Variants in OR2M3 observed in about 807,000 individuals in gnomAD.
OR2M3 encodes the protein olfactory receptor 2M3.
Under a neutral mutation model 4.3 loss-of-function variants are expected in OR2M3, and 1 was observed. That is an observed-to-expected ratio of 0.23 (90% CI 0.08 to 1.11). OR2M3 has a LOEUF of 1.11. Ranked by LOEUF, OR2M3 falls within the 50% of genes most tolerant of loss-of-function variation. The pLI is 0.54. For synonymous variants in OR2M3, 151 were observed against 139.4 expected, an observed-to-expected ratio of 1.08 and a Z score of -0.59; for missense variants, 410 against 390.4, an observed-to-expected ratio of 1.05 and a Z score of -0.42.
At position 248,207,945 on chromosome 1, in the gene OR2M3, C is replaced by G. The variant is rs1572794469; in HGVS notation, c.*3939C>G. The stretch of plus-strand genomic sequence containing the variant: ...CTATTATTGCATTGTCATCTATCTC[C>G]TTTCTTAGGTCTAGTAGTAATTGTT... On this transcript the variant is annotated 3_prime_UTR_variant, in exon 2 of 2. Transcript: ENST00000641626. 6.6e-6 allele frequency: 1 copy of G among 151,948 alleles called. No individual in the cohort carries two copies. The highest frequency in any genetic ancestry group is 1.5e-5 in the Non-Finnish European group (1 of 67,944). 9.4% of individuals were successfully genotyped at this position (151,948 alleles called of 1,614,324 possible).
Position 248,203,581 on chromosome 1 carries a change from C to G in OR2M3, c.514C>G (p.Arg172Gly). 1 of 1,613,774 alleles carries G rather than the reference C, an allele frequency of 6.2e-7. No individual in the cohort carries two copies. Among genetic ancestry groups the G allele is most frequent in the South Asian group, 1.1e-5 (1 of 91,060 alleles). The change falls in exon 2 of 2, where the codon CGG becomes GGG. Residue 172 changes from arginine to glycine, a missense_variant. Transcript: ENST00000641626. The part of the protein sequence containing the change: ...ATFSFSYCGS[R>G]EIAHFFCDFP... ...ATTTTCCTTCTCCTACTGTGGGTCT[C>G]GGGAAATAGCCCACTTCTTCTGTGA...
rs1666222627 is a variant in OR2M3 at position 248,206,225 on chromosome 1, T to A, written c.*2219T>A. 1 of 152,100 alleles carries A rather than the reference T, an allele frequency of 6.6e-6. No homozygotes were observed. The highest frequency in any genetic ancestry group is 2.4e-5 in the African/African-American group (1 of 41,430). 9.4% of individuals were successfully genotyped at this position (152,100 alleles called of 1,614,324 possible). A position where few individuals can be genotyped will look rare whatever the true frequency, so the allele number is the denominator to read the frequency against. ...ATGAGCCGTTAGGGTTTTCTATGTA[T>A]TCCATCGTATCATCAGCAAACAGCG... is the stretch of plus-strand genomic sequence containing the variant. On this transcript the variant is annotated 3_prime_UTR_variant, in exon 2 of 2. Coordinates refer to ENST00000641626, the MANE Select transcript of OR2M3 (RefSeq NM_001004689.2).
At position 248,203,056 on chromosome 1, in the gene OR2M3, A is replaced by C; in HGVS notation, c.-12A>C. On this transcript the variant is annotated 5_prime_UTR_variant, in exon 2 of 2. Coordinates refer to ENST00000641626, the MANE Select transcript of OR2M3 (RefSeq NM_001004689.2). ...GCTGGTTTTGTGGTACTAGGTAAAAAGCATACACATCATGGCAAGGGAGAA... is the reference window on the plus strand; with the variant it reads ...GCTGGTTTTGTGGTACTAGGTAAAACGCATACACATCATGGCAAGGGAGAA... 6.2e-7 allele frequency: 1 copy of C among 1,602,946 alleles called. No homozygotes were observed. The highest frequency in any genetic ancestry group is 8.5e-7 in the Non-Finnish European group (1 of 1,174,290).
Position 248,203,994 on chromosome 1 carries a change from G to A in OR2M3, c.927G>A (p.Lys309=), listed in dbSNP as rs894519543. 2.5e-6 allele frequency: 4 copies of A among 1,613,730 alleles called. No homozygotes were observed. In the African/African-American group the frequency reaches 5.3e-5, roughly 22 times the overall value. The stretch of plus-strand genomic sequence containing the variant: ...TCATGAAGATCTTAGGAAAGGGCAA[G>A]TCTGGAGAGTGAGTTACCTAATAAA... The part of the protein sequence containing the change: ...RAFMKILGKG[K]SGE Residue 309 remains lysine (K), a synonymous_variant, in exon 2 of 2, where the codon AAG becomes AAA. Coordinates refer to ENST00000641626, the MANE Select transcript of OR2M3 (RefSeq NM_001004689.2).
At position 248,204,557 on chromosome 1, in the gene OR2M3, A is replaced by G. The variant is rs1229425437; in HGVS notation, c.*551A>G. On this transcript the variant is annotated 3_prime_UTR_variant, in exon 2 of 2. Transcript: ENST00000641626. ...CTCTAATTCCATCCCAGTTGCTGTG[A>G]ATGCCATTATTTTGTATTTTTTATG... 1 of 152,686 alleles carries G rather than the reference A, an allele frequency of 6.5e-6. No homozygotes were observed. The highest frequency in any genetic ancestry group is 6.6e-5 in the Admixed American group (1 of 15,262). 9.5% of individuals were successfully genotyped at this position (152,686 alleles called of 1,614,324 possible).
intron 1 of OR2M3, among the ~76,000 whole-genome samples, chr1:248,200,530 C>T (rs1666144377): frequency 6.6e-6 from 1 of 152,072 alleles, no homozygotes; most frequent in Non-Finnish European, 1.5e-5. Context: ...CAGCTTTATC[C>T]AACTTCTTGG....
rs757897904 is a variant in OR2M3 at position 248,203,740 on chromosome 1, G to C, written c.673G>C (p.Val225Leu). Reference protein sequence around the residue: ...IASYARVILAVIHMGSGEGRR... With the variant: ...IASYARVILALIHMGSGEGRR... ...TTCCTATGCTCGAGTTATCCTGGCTGTCATTCACATGGGATCTGGAGAGGG... is the reference window on the plus strand; with the variant it reads ...TTCCTATGCTCGAGTTATCCTGGCTCTCATTCACATGGGATCTGGAGAGGG... The change falls in exon 2 of 2, where the codon GTC becomes CTC. Residue 225 changes from valine to leucine, a missense_variant. Physicochemically the swap from Val to Leu is conservative, Grantham distance 32. Coordinates refer to ENST00000641626, the MANE Select transcript of OR2M3 (RefSeq NM_001004689.2). The C allele has an allele frequency of 6.2e-7, 1 of 1,612,442 alleles. No homozygotes were observed. The highest frequency in any genetic ancestry group is 2.2e-5 in the East Asian group (1 of 44,862).
intron 1 of OR2M3, among the ~76,000 whole-genome samples, chr1:248,199,626 T>A (rs923849253): frequency 2.0e-5 from 3 of 152,144 alleles, no homozygotes; most frequent in African/African-American, 7.2e-5. Flanking sequence ...AAATATTTAA[T>A]TTCCTCATGA....
In OR2M3 at chr1:248,203,227, C is replaced by T. The variant is rs751928747; in HGVS notation, c.160C>T (p.Gln54Ter). Reference protein sequence around the residue: ...VMVLLIYLDTQLHTPMYLLLS... With the variant: ...VMVLLIYLDT ...GGTTCTCCTCATCTACCTGGACACC[C>T]AGCTCCACACCCCCATGTACCTCCT... The change falls in exon 2 of 2, where the codon CAG becomes TAG. Residue 54 changes from glutamine to a stop codon, truncating the protein, a stop_gained. Coordinates refer to ENST00000641626, the MANE Select transcript of OR2M3 (RefSeq NM_001004689.2). LOFTEE classifies it low-confidence loss of function (END_TRUNC). 1 of 1,613,914 alleles carries T rather than the reference C, an allele frequency of 6.2e-7. No homozygotes were observed. Among genetic ancestry groups the T allele is most frequent in the African/African-American group, 1.3e-5 (1 of 74,972 alleles).
In OR2M3 at chr1:248,207,702, A is replaced by G. The variant is rs1183494285; in HGVS notation, c.*3696A>G. ...ATATAATTTTGATTTTCTTAAATTC[A>G]CTGAGACTTGTTTTTTGGCCTATCA... On this transcript the variant is annotated 3_prime_UTR_variant, in exon 2 of 2. Coordinates refer to ENST00000641626, the MANE Select transcript of OR2M3 (RefSeq NM_001004689.2). 2 of 152,070 alleles carry G rather than the reference A, an allele frequency of 1.3e-5. No homozygotes were observed. Among genetic ancestry groups the G allele is most frequent in the African/African-American group, 4.8e-5 (2 of 41,432 alleles). The allele number at this position is 152,070 out of a possible 1,614,324, so 9.4% of individuals were successfully genotyped here.
intron 1 of OR2M3, among the ~76,000 whole-genome samples, chr1:248,202,472 G>GA (rs1241403017): frequency 6.6e-6 from 1 of 151,990 alleles, no homozygotes; most frequent in African/African-American, 2.4e-5. Context: ...CTGGGCTATG[G>GA]AAAAAATGGC....
In OR2M3 at chr1:248,206,517, G is replaced by A. The variant is rs910482600; in HGVS notation, c.*2511G>A. 1 of 151,914 alleles carries A rather than the reference G, an allele frequency of 6.6e-6. No homozygotes were observed. The highest frequency in any genetic ancestry group is 1.5e-5 in the Non-Finnish European group (1 of 67,922). The allele number at this position is 151,914 out of a possible 1,614,324, so 9.4% of individuals were successfully genotyped here. ...TTTGCTTAGAATTTTAATTGTAAAG[G>A]GATGTGGGATTTCATCAAATGCTTT... On this transcript the variant is annotated 3_prime_UTR_variant, in exon 2 of 2. Coordinates refer to ENST00000641626, the MANE Select transcript of OR2M3 (RefSeq NM_001004689.2).
chr1:248,201,028 C>T (rs1666151202), intron 1 of OR2M3, among the ~76,000 whole-genome samples: 1 of 152,122 alleles, frequency 6.6e-6, no homozygotes, highest in African/African-American at 2.4e-5. Context: ...AATAAGTCTA[C>T]TCACCAGGCT....
intron 1 of OR2M3, among the ~76,000 whole-genome samples, chr1:248,202,275 C>T (rs934707654): frequency 8.7e-5 from 9 of 103,960 alleles, no homozygotes; most frequent in East Asian, 2.4e-4. Context: ...CCCCATCACA[C>T]GGTAATCCCC....
Position 248,203,908 on chromosome 1 carries a change from C to T in OR2M3, c.841C>T (p.Leu281Phe), listed in dbSNP as rs1203019997. The T allele has an allele frequency of 6.2e-7, 1 of 1,613,770 alleles. No individual in the cohort carries two copies. The highest frequency in any genetic ancestry group is 1.3e-5 in the African/African-American group (1 of 74,846). Residue 281 changes from leucine (L) to phenylalanine (F), a missense_variant, in exon 2 of 2, where the codon CTC becomes TTC. Transcript: ENST00000641626. ...DKMVSVFYTI[L>F]TPMLNPLIYS... ...GATGGTGTCTGTATTCTACACCATC[C>T]TCACTCCCATGTTGAATCCCCTCAT... is the stretch of plus-strand genomic sequence containing the variant.
chr1:248,203,378 A>G lies in OR2M3; in HGVS notation c.311A>G (p.Tyr104Cys), dbSNP rs370438958. 3 of 1,614,020 alleles carry G rather than the reference A, an allele frequency of 1.9e-6. No homozygotes were observed. Among genetic ancestry groups the G allele is most frequent in the African/African-American group, 1.3e-5 (1 of 74,968 alleles). The change falls in exon 2 of 2, where the codon TAT becomes TGT. Residue 104 changes from tyrosine (Y) to cysteine (C), a missense_variant. By Grantham distance (194) the Tyr-to-Cys change is radical. Coordinates refer to ENST00000641626, the MANE Select transcript of OR2M3 (RefSeq NM_001004689.2). Reference protein sequence around the residue: ...MAGCATQIFFYTSLLGSECFL... With the variant: ...MAGCATQIFFCTSLLGSECFL... The stretch of plus-strand genomic sequence containing the variant: ...GGTTGTGCCACACAAATTTTCTTCT[A>G]TACATCACTGCTTGGCTCTGAGTGC...
At chr1:248,201,563 T>C (rs1666157079) in intron 1 of OR2M3, among the ~76,000 whole-genome samples, 1 of 151,966 alleles carries the variant, frequency 6.6e-6, no homozygotes, top group South Asian at 2.1e-4. Flanking sequence ...TCATTTAACA[T>C]TAGGTATATC....
chr1:248,204,320 T>C lies in OR2M3; in HGVS notation c.*314T>C. 9.2e-6 allele frequency: 2 copies of C among 217,460 alleles called. No homozygotes were observed. The highest frequency in any genetic ancestry group is 1.2e-4 in the East Asian group (1 of 8,014). 13.5% of individuals were successfully genotyped at this position (217,460 alleles called of 1,614,324 possible). The stretch of plus-strand genomic sequence containing the variant: ...GAATAAGTTCTTTAGTGATGATTTC[T>C]GAGATTTTGGTGCACCCATCACCCA... On this transcript the variant is annotated 3_prime_UTR_variant, in exon 2 of 2. Transcript: ENST00000641626.
chr1:248,198,336 T>C (rs1394730604), intron 1 of OR2M3, among the ~76,000 whole-genome samples: 1 of 152,174 alleles, frequency 6.6e-6, no homozygotes, highest in African/African-American at 2.4e-5. Context: ...GTGATCTACT[T>C]TGTTCATTCA....
Sources: allele counts gnomAD v4.1 joint callset (sites outside exome capture counted in the v4.1 genomes callset), GRCh38; gene constraint gnomAD v4.1.1; transcripts MANE v1.5; gene names NCBI Gene and HGNC (gene_info 2026-07-23, HGNC 2026-07-21).